AK5: variants seen among roughly 807,000 people sequenced by gnomAD.
AK5 encodes adenylate kinase isoenzyme 5.
A neutral mutation model predicts 69.5 loss-of-function variants in AK5; 27 were observed. The observed-to-expected ratio is 0.39, with a 90% confidence interval of 0.29 to 0.54. The LOEUF (loss-of-function observed/expected upper bound fraction) is 0.54. Ranked by LOEUF, AK5 falls within the 20% of genes least tolerant of loss-of-function variation. The pLI is 0.71. For synonymous variants in AK5, 260 were observed against 244.4 expected, an observed-to-expected ratio of 1.06 and a Z score of -0.60; for missense variants, 531 against 700.4, an observed-to-expected ratio of 0.76 and a Z score of 2.73.
At chr1:77,447,083 G>A (rs1035661886) in intron 8 of AK5, among the ~76,000 whole-genome samples, 3 of 152,240 alleles carry the variant, frequency 2.0e-5, no homozygotes, top group Admixed American at 6.5e-5. Flanking sequence ...TCAAAAGGAT[G>A]TAAGTCCAGC....
chr1:77,453,579 C>T (rs988807301), intron 8 of AK5, among the ~76,000 whole-genome samples: 12 of 152,250 alleles, frequency 7.9e-5, no homozygotes, highest in Non-Finnish European at 1.6e-4. Flanking sequence ...AGTGAATGTC[C>T]TGATACTGTT....
chr1:77,312,623 A>AC (rs976380115), intron 5 of AK5, among the ~76,000 whole-genome samples: 2 of 151,814 alleles, frequency 1.3e-5, no homozygotes, highest in Admixed American at 6.6e-5. Context: ...AAAAAAAAAA[A>AC]AAAAAACAAA....
chr1:77,322,619 T>G (rs1372935583), intron 5 of AK5, among the ~76,000 whole-genome samples: 1 of 152,188 alleles, frequency 6.6e-6, no homozygotes, highest in East Asian at 1.9e-4. Flanking sequence ...GCTACTGATC[T>G]CATTTTGTAA....
intron 6 of AK5, among the ~76,000 whole-genome samples, chr1:77,342,082 T>C (rs1027786687): frequency 6.6e-5 from 10 of 152,124 alleles, no homozygotes; most frequent in African/African-American, 2.4e-4. Context: ...GTATTTTTAG[T>C]AGAGATGGGG....
At chr1:77,421,965 C>A (rs982993122) in intron 8 of AK5, among the ~76,000 whole-genome samples, 1 of 152,180 alleles carries the variant, frequency 6.6e-6, no homozygotes, top group Admixed American at 6.5e-5. Context: ...CTAAGTAACA[C>A]CAGTTGGATT....
At chr1:77,522,150 C>T (rs1658024619) in intron 12 of AK5, among the ~76,000 whole-genome samples, 1 of 152,118 alleles carries the variant, frequency 6.6e-6, no homozygotes, top group African/African-American at 2.4e-5. Flanking sequence ...TTGGTTGACT[C>T]CAGATATCCA....
chr1:77,513,660 T>C (rs1316664968), intron 10 of AK5, among the ~76,000 whole-genome samples: 1 of 152,150 alleles, frequency 6.6e-6, no homozygotes, highest in East Asian at 1.9e-4. Context: ...GTCAACGTGG[T>C]GAAACCTTGC....
chr1:77,494,494 C>T (rs1656179028), intron 10 of AK5, among the ~76,000 whole-genome samples: 1 of 152,118 alleles, frequency 6.6e-6, no homozygotes, highest in Admixed American at 6.5e-5. Context: ...TCTGTGTACC[C>T]TTGGGCCAAC....
chr1:77,540,864 C>T (rs1659231015), intron 13 of AK5, among the ~76,000 whole-genome samples: 1 of 151,948 alleles, frequency 6.6e-6, no homozygotes. Flanking sequence ...TTTGGGAAGC[C>T]AAGGAGAGTG....
intron 8 of AK5, among the ~76,000 whole-genome samples, chr1:77,472,679 T>C (rs557599427): frequency 3.9e-5 from 6 of 152,072 alleles, no homozygotes; most frequent in East Asian, 3.9e-4. Flanking sequence ...GCTCAGGAGT[T>C]CGAGAACAGC....
intron 10 of AK5, among the ~76,000 whole-genome samples, chr1:77,507,168 C>T (rs980812469): frequency 6.6e-6 from 1 of 152,186 alleles, no homozygotes; most frequent in Non-Finnish European, 1.5e-5. Context: ...TTTTATCTGG[C>T]CACCTGACGG....
At chr1:77,510,790 C>T (rs1048601326) in intron 10 of AK5, among the ~76,000 whole-genome samples, 2 of 151,842 alleles carry the variant, frequency 1.3e-5, no homozygotes, top group African/African-American at 2.4e-5. Flanking sequence ...GTTTGTGCAC[C>T]ATGACGAGCA....
At chr1:77,553,378 TG>T (rs1354777661) in intron 13 of AK5, among the ~76,000 whole-genome samples, 1 of 152,154 alleles carries the variant, frequency 6.6e-6, no homozygotes, top group Non-Finnish European at 1.5e-5. Context: ...AGAACACAGT[TG>T]GGTTTGTACA....
At chr1:77,456,067 G>T (rs981633314) in intron 8 of AK5, among the ~76,000 whole-genome samples, 1 of 152,192 alleles carries the variant, frequency 6.6e-6, no homozygotes, top group East Asian at 1.9e-4. Context: ...GCCTAGGATT[G>T]TGCAGTTTCC....
intron 10 of AK5, among the ~76,000 whole-genome samples, chr1:77,486,590 C>A (rs532678043): frequency 1.3e-5 from 2 of 150,970 alleles, no homozygotes; most frequent in African/African-American, 2.4e-5. Flanking sequence ...CCCAGCTACT[C>A]GGGAGGCTGA....
At chr1:77,417,563 C>T in intron 7 of AK5, 76 bp from the exon 8 acceptor site, 1 of 863,190 alleles carries the variant, frequency 1.2e-6, no homozygotes, top group Non-Finnish European at 1.9e-6. Context: ...AATATGGAAA[C>T]CTAGTGAGAG....
intron 12 of AK5, among the ~76,000 whole-genome samples, chr1:77,525,097 C>A (rs757433905): frequency 6.6e-6 from 1 of 152,080 alleles, no homozygotes; most frequent in Non-Finnish European, 1.5e-5. Flanking sequence ...TTAGTAGAGA[C>A]GGAGTTTCAC....
chr1:77,394,434 C>G (rs187284104), intron 6 of AK5, among the ~76,000 whole-genome samples: 139 of 152,284 alleles, frequency 9.1e-4, no homozygotes, highest in African/African-American at 3.0e-3. Flanking sequence ...AATCCTCCTT[C>G]CCTCTCTGGG....
At chr1:77,424,295 G>A (rs1209153392) in intron 8 of AK5, among the ~76,000 whole-genome samples, 1 of 152,168 alleles carries the variant, frequency 6.6e-6, no homozygotes, top group East Asian at 1.9e-4. Flanking sequence ...GACTTTTGCT[G>A]TGTTGCCCAG....
Sources: gnomAD v4.1 joint callset for allele counts (sites outside exome capture counted in the v4.1 genomes callset) on GRCh38, gnomAD v4.1.1 for gene constraint, MANE v1.5 for transcripts, NCBI Gene and HGNC (gene_info 2026-07-23, HGNC 2026-07-21) for gene names.